SORCS2: variants seen among roughly 807,000 people sequenced by gnomAD.
The protein encoded by SORCS2 is VPS10 domain-containing receptor SorCS2.
In SORCS2, 100 loss-of-function variants were observed where a neutral mutation model predicts 141.6. That is an observed-to-expected ratio of 0.71 (90% CI 0.60 to 0.83). The LOEUF (loss-of-function observed/expected upper bound fraction) is 0.83, where lower values mean the gene tolerates loss of function less well. Ranked by LOEUF, SORCS2 falls within the 40% of genes least tolerant of loss-of-function variation. SORCS2 has a pLI of 0.00. For synonymous variants in SORCS2, 789 were observed against 676.9 expected, an observed-to-expected ratio of 1.17 and a Z score of -2.57; for missense variants, 1,646 against 1,560.2, an observed-to-expected ratio of 1.05 and a Z score of -0.93.
intron 1 of SORCS2, among the ~76,000 whole-genome samples, chr4:7,247,854 C>G (rs1045093002): frequency 1.3e-5 from 2 of 152,220 alleles, no homozygotes; most frequent in Non-Finnish European, 2.9e-5. Flanking sequence ...TGGGAAAGTG[C>G]TGAGCAGAGG....
chr4:7,668,890 C>CCCATA (rs760711433), intron 8 of SORCS2, among the ~76,000 whole-genome samples: 7 of 152,046 alleles, frequency 4.6e-5, no homozygotes, highest in Non-Finnish European at 1.0e-4. Context: ...GAGAATTAGG[C>CCCATA]CCATACAGGG....
At chr4:7,724,754 GTGGTGT>G in intron 19 of SORCS2, among the ~76,000 whole-genome samples, 1 of 104,936 alleles carries the variant, frequency 9.5e-6, no homozygotes, top group African/African-American at 4.0e-5. Flanking sequence ...GGTGATGGTG[GTGGTGT>G]TGGTGATGAT....
At chr4:7,588,606 G>T (rs750527864) in intron 3 of SORCS2, among the ~76,000 whole-genome samples, 1 of 152,160 alleles carries the variant, frequency 6.6e-6, no homozygotes, top group Non-Finnish European at 1.5e-5. Flanking sequence ...CACGTGGGCT[G>T]GCCTTACCAG....
chr4:7,616,253 C>T (rs1446803401), intron 3 of SORCS2, among the ~76,000 whole-genome samples: 1 of 152,130 alleles, frequency 6.6e-6, no homozygotes, highest in Admixed American at 6.5e-5. Context: ...AAAAAGGTGC[C>T]TCCTCTGAGT....
At chr4:7,459,979 GC>G (rs769851486) in intron 2 of SORCS2, 2 of 154,766 alleles carry the variant, frequency 1.3e-5, no homozygotes, top group Non-Finnish European at 2.9e-5. Context: ...GTCATCCAGG[GC>G]CACCCCTGCA....
chr4:7,480,669 G>A (rs575139282), intron 2 of SORCS2, among the ~76,000 whole-genome samples: 102 of 152,330 alleles, frequency 6.7e-4, no homozygotes, highest in African/African-American at 2.3e-3. Context: ...CCAGAGCCGC[G>A]GCCAGAACCA....
chr4:7,239,296 G>A (rs534961735), intron 1 of SORCS2, among the ~76,000 whole-genome samples: 2 of 152,378 alleles, frequency 1.3e-5, no homozygotes, highest in African/African-American at 4.8e-5. Context: ...GCCCAGCACC[G>A]AGGGATCTGG....
chr4:7,650,570 C>G (rs918636429), intron 4 of SORCS2, among the ~76,000 whole-genome samples: 11 of 152,228 alleles, frequency 7.2e-5, no homozygotes, highest in Non-Finnish European at 1.3e-4. Flanking sequence ...CCTAGACTCA[C>G]AGACGCTCCC....
chr4:7,425,073 T>C lies in SORCS2; in HGVS notation c.548+28718T>C, dbSNP rs759412351. On this transcript the variant is annotated intron_variant, in intron 2 of 26. Coordinates refer to ENST00000507866, the MANE Select transcript of SORCS2 (RefSeq NM_020777.3). ...GGTGCAGTTCCGGGAGGTGCCAGAT[T>C]CCACAGGCTGCAGGGGTGCCTCCCC... 3.9e-5 allele frequency among the ~76,000 whole-genome samples: 6 copies of C among 152,112 alleles called. No homozygotes were observed. The East Asian group carries it at 9.7e-4, about 24-fold the overall frequency.
intron 3 of SORCS2, among the ~76,000 whole-genome samples, chr4:7,542,683 A>C (rs1712775354): frequency 6.6e-6 from 1 of 152,188 alleles, no homozygotes; most frequent in Non-Finnish European, 1.5e-5. Context: ...AGTGTGTGAC[A>C]CTTTGTCTCG....
At chr4:7,505,682 C>T (rs1732234003) in intron 2 of SORCS2, among the ~76,000 whole-genome samples, 1 of 152,158 alleles carries the variant, frequency 6.6e-6, no homozygotes, top group Non-Finnish European at 1.5e-5. Context: ...GAGAGCCTGG[C>T]TCTGCCAGCG....
At chr4:7,450,007 G>A (rs1416257721) in intron 2 of SORCS2, among the ~76,000 whole-genome samples, 1 of 152,202 alleles carries the variant, frequency 6.6e-6, no homozygotes, top group Admixed American at 6.5e-5. Flanking sequence ...TGGGGCCCCT[G>A]GGACACGTGG....
chr4:7,259,291 G>A (rs1487806454), intron 1 of SORCS2, among the ~76,000 whole-genome samples: 2 of 152,152 alleles, frequency 1.3e-5, no homozygotes, highest in African/African-American at 4.8e-5. Flanking sequence ...TTTTACAGAC[G>A]TGGAAGCTGA....
At chr4:7,724,150 G>A (rs145500161) in intron 19 of SORCS2, among the ~76,000 whole-genome samples, 6,437 of 135,386 alleles carry the variant, frequency 0.048, 157 homozygotes, top group East Asian at 0.1. Flanking sequence ...TGATGGTCGT[G>A]GTGGTGGTGG....
chr4:7,614,130 A>G (rs57158898), intron 3 of SORCS2, among the ~76,000 whole-genome samples: 302 of 147,188 alleles, frequency 2.1e-3, no homozygotes, highest in African/African-American at 7.4e-3. Context: ...CCCACTGTCC[A>G]TCCATCCCAT....
At chr4:7,654,043 G>C (rs1317282430) in intron 4 of SORCS2, 91 bp from the exon 5 acceptor site, 1 of 1,184,190 alleles carries the variant, frequency 8.4e-7, no homozygotes, top group Non-Finnish European at 1.2e-6. Context: ...TCTCCTGGGG[G>C]ATCTGCTGTG....
At chr4:7,684,987 C>T (rs957096781) in intron 10 of SORCS2, among the ~76,000 whole-genome samples, 20 of 152,352 alleles carry the variant, frequency 1.3e-4, no homozygotes, top group Non-Finnish European at 2.6e-4. Flanking sequence ...TGAACACTCA[C>T]CTCTCAGGGG....
intron 3 of SORCS2, among the ~76,000 whole-genome samples, chr4:7,539,318 C>T (rs1186111368): frequency 1.1e-4 from 16 of 152,168 alleles, no homozygotes; most frequent in Non-Finnish European, 2.2e-4. Flanking sequence ...ACCAGGAACA[C>T]GGGGTGGTGG....
intron 23 of SORCS2, 51 bp downstream of exon 23, chr4:7,729,763 C>T (rs1266931661): frequency 1.3e-6 from 2 of 1,576,678 alleles, no homozygotes; most frequent in African/African-American, 2.7e-5. Context: ...CATCCCAGGG[C>T]TCGGGTCATT....
Sources: gnomAD v4.1 joint callset for allele counts (sites outside exome capture counted in the v4.1 genomes callset) on GRCh38, gnomAD v4.1.1 for gene constraint, MANE v1.5 for transcripts, NCBI Gene and HGNC (gene_info 2026-07-23, HGNC 2026-07-21) for gene names.